The following NFAM1 variants were observed in gnomAD, a reference collection of about 807,000 sequenced individuals.
The protein encoded by NFAM1 is NFAT activating protein with ITAM motif 1, also known as NFAT activation molecule 1.
In NFAM1, 17 loss-of-function variants were observed where a neutral mutation model predicts 29.0. The ratio of observed to expected loss-of-function variants is 0.59; its 90% CI spans 0.40 to 0.88. NFAM1 has a LOEUF of 0.88. Ranked by LOEUF, NFAM1 falls within the 40% of genes least tolerant of loss-of-function variation. The pLI, the probability that NFAM1 is intolerant of heterozygous loss-of-function variation, is 0.00. For missense variants in NFAM1, 324 were observed against 344.6 expected (o/e 0.94, Z 0.47); for synonymous variants, 175 against 147.2 (o/e 1.19, Z -1.36).
intron 4 of NFAM1, among the ~76,000 whole-genome samples, chr22:42,387,835 T>G (rs1020886455): frequency 2.0e-5 from 3 of 152,078 alleles, no homozygotes; most frequent in African/African-American, 7.2e-5. Flanking sequence ...GGTCCCCCCA[T>G]AGCCCAAGCC....
intron 1 of NFAM1, among the ~76,000 whole-genome samples, chr22:42,415,294 CTTTTTTTTTT>C (rs398037250): frequency 2.1e-5 from 2 of 94,832 alleles, no homozygotes; most frequent in African/African-American, 4.5e-5. Flanking sequence ...TTCTTTCTTT[CTTTTTTTTTT>C]TTTTTTTTTT....
At chr22:42,412,908 C>T (rs1266232793) in intron 1 of NFAM1, among the ~76,000 whole-genome samples, 1 of 152,178 alleles carries the variant, frequency 6.6e-6, no homozygotes, top group African/African-American at 2.4e-5. Context: ...AGGAGCCACC[C>T]CTCCCCCCAC....
chr22:42,417,316 G>T (rs1042266850), intron 1 of NFAM1, among the ~76,000 whole-genome samples: 1 of 152,150 alleles, frequency 6.6e-6, no homozygotes, highest in East Asian at 1.9e-4. Flanking sequence ...CAGAGGAGCT[G>T]AGTTTTGCCA....
chr22:42,397,221 C>T (rs1929560516), intron 4 of NFAM1, among the ~76,000 whole-genome samples: 1 of 152,212 alleles, frequency 6.6e-6, no homozygotes, highest in African/African-American at 2.4e-5. Flanking sequence ...CTGGGGCAGC[C>T]TGGCCTCCTC....
chr22:42,411,292 G>A (rs963736152), intron 2 of NFAM1, 115 bp downstream of exon 2: 1 of 787,312 alleles, frequency 1.3e-6, no homozygotes, highest in Non-Finnish European at 2.1e-6. Flanking sequence ...CCAAAGTGCT[G>A]GGATGTGTGA....
chr22:42,430,005 G>A (rs561408033), intron 1 of NFAM1, among the ~76,000 whole-genome samples: 25 of 152,330 alleles, frequency 1.6e-4, no homozygotes, highest in African/African-American at 5.5e-4. Flanking sequence ...GCTCACGCCT[G>A]TAATCCCAGC....
chr22:42,434,170 C>T (rs1330608423), upstream of NFAM1, among the ~76,000 whole-genome samples: 1 of 152,208 alleles, frequency 6.6e-6, no homozygotes, highest in African/African-American at 2.4e-5. Flanking sequence ...GCCTGCTGCA[C>T]ACCTGGTTTC....
chr22:42,397,624 T>TG (rs1428461262), intron 4 of NFAM1, among the ~76,000 whole-genome samples: 3 of 152,130 alleles, frequency 2.0e-5, no homozygotes, highest in Admixed American at 6.5e-5. Context: ...GAACAGGGCA[T>TG]GGGGGGCACC....
At position 42,409,525 on chromosome 22, in the gene NFAM1, C is replaced by T. The variant is rs143813591; in HGVS notation, c.474G>A (p.Pro158=). The T allele has an allele frequency of 5.7e-3, 8,708 of 1,537,692 alleles. 39 individuals are homozygous for T. The highest frequency in any genetic ancestry group is 0.019 in the Middle Eastern group (110 of 5,764). The change falls in exon 3 of 6, where the codon CCG becomes CCA. Residue 158 remains proline (P), a synonymous_variant. Coordinates refer to ENST00000329021, the MANE Select transcript of NFAM1 (RefSeq NM_145912.8). This position sits in a 1 kb window ranked among gnomAD's most constrained non-coding sequence, Gnocchi z 4.9. ...AGAGCAGGAGCTTCTGTGGACTCTG[C>T]GGGGGCTCTCGGTACCCTGCGTCTA... is the stretch of plus-strand genomic sequence containing the variant. ...LVRDAGYREP[P]QSPQKLLLFG...
chr22:42,437,950 C>T, the NFAM1 span: 1 of 152,222 alleles, frequency 6.6e-6, no homozygotes, highest in African/African-American at 2.4e-5. Flanking sequence ...CCTTTCCCCT[C>T]GTGCTGTTTC....
At position 42,419,585 on chromosome 22, in the gene NFAM1, C is replaced by A. The variant is rs1930366608; in HGVS notation, c.122-7849G>T. ...GCTTGGAGGATCCAGTTCTTGCCTCCCAGGACCTGCACAGCCCCGCTCAGC... is the reference window on the plus strand; with the variant it reads ...GCTTGGAGGATCCAGTTCTTGCCTCACAGGACCTGCACAGCCCCGCTCAGC... On this transcript the variant is annotated intron_variant, in intron 1 of 5. Coordinates refer to ENST00000329021, the MANE Select transcript of NFAM1 (RefSeq NM_145912.8). The surrounding 1 kb of genome is among the most constrained non-coding windows in gnomAD (Gnocchi z 4.5). Among the ~76,000 whole-genome samples the A allele has an allele frequency of 2.0e-5, 3 of 152,196 alleles. No homozygotes were observed. Among genetic ancestry groups the A allele is most frequent in the Non-Finnish European group, 2.9e-5 (2 of 68,024 alleles).
Position 42,402,827 on chromosome 22 carries a change from C to CCTT in NFAM1, c.565-4874_565-4872dup, listed in dbSNP as rs1247696728. ...TCAGACCCACACCGGTCCCTCTGTG[C>CCTT]CTTCTTTTTTTTTTTTTTTTTTTTT... is the stretch of plus-strand genomic sequence containing the variant. On this transcript the variant is annotated intron_variant, in intron 3 of 5. Transcript: ENST00000329021. Among the ~76,000 whole-genome samples, 102 of 136,554 alleles carry CCTT rather than the reference C, an allele frequency of 7.5e-4. 1 individual carries two copies. Among genetic ancestry groups the CCTT allele is most frequent in the African/African-American group, 3.0e-3 (96 of 32,518 alleles). The allele number at this position is 136,554 out of a possible 152,430, so 89.6% of individuals were successfully genotyped here.
chr22:42,404,141 TC>T (rs551994523), intron 3 of NFAM1, among the ~76,000 whole-genome samples: 226 of 152,164 alleles, frequency 1.5e-3, no homozygotes, highest in African/African-American at 4.8e-3. Context: ...GGGTGTGAGC[TC>T]CGTGCCCTCC....
At chr22:42,420,298 C>T (rs549734340) in intron 1 of NFAM1, among the ~76,000 whole-genome samples, 2 of 151,716 alleles carry the variant, frequency 1.3e-5, no homozygotes, top group African/African-American at 4.8e-5. Context: ...ATAGTGAGAC[C>T]CCATCTCTAC....
At chr22:42,410,658 C>CA (rs35345430) in intron 2 of NFAM1, among the ~76,000 whole-genome samples, 2,138 of 118,946 alleles carry the variant, frequency 0.018, 45 homozygotes, top group African/African-American at 0.051. Flanking sequence ...GACTCTGTCT[C>CA]AAAAAAAAAA....
At chr22:42,411,889 G>A (rs1930108575) in intron 1 of NFAM1, among the ~76,000 whole-genome samples, 153 bp from the exon 2 acceptor site, 1 of 152,204 alleles carries the variant, frequency 6.6e-6, no homozygotes, top group African/African-American at 2.4e-5. Flanking sequence ...CTGGAGGTCA[G>A]GAGTTCAAGA....
At chr22:42,404,758 G>A (rs1929836579) in intron 3 of NFAM1, among the ~76,000 whole-genome samples, 1 of 151,798 alleles carries the variant, frequency 6.6e-6, no homozygotes, top group Non-Finnish European at 1.5e-5. Context: ...GGGAGGCTGA[G>A]GCAGGAGAAT....
rs1221132409 is a variant in NFAM1 at position 42,382,479 on chromosome 22, G to GGTCTCA, written c.*2676_*2681dup. On this transcript the variant is annotated 3_prime_UTR_variant, in exon 6 of 6. Coordinates refer to ENST00000329021, the MANE Select transcript of NFAM1 (RefSeq NM_145912.8). ...GCCCTGAGGCCACCCAGCCTGGGTGGGTCTCAAAAGCAATTTTCTTCTCTT... is the reference window on the plus strand; with the variant it reads ...GCCCTGAGGCCACCCAGCCTGGGTGGGTCTCAGTCTCAAAAGCAATTTTCTTCTCTT... 1 of 151,936 alleles carries GGTCTCA rather than the reference G, an allele frequency of 6.6e-6. No individual in the cohort carries two copies. The highest frequency in any genetic ancestry group is 1.5e-5 in the Non-Finnish European group (1 of 68,002). 9.4% of individuals were successfully genotyped at this position (151,936 alleles called of 1,614,324 possible). A position where few individuals can be genotyped will look rare whatever the true frequency, so the allele number is the denominator to read the frequency against.
chr22:42,428,040 C>T (rs1358249471), intron 1 of NFAM1, among the ~76,000 whole-genome samples: 3 of 152,224 alleles, frequency 2.0e-5, no homozygotes, highest in African/African-American at 4.8e-5. Context: ...GATAGTTCAC[C>T]ATGACAGAGG....
Sources: gnomAD v4.1 joint callset for allele counts (sites outside exome capture counted in the v4.1 genomes callset) on GRCh38, gnomAD v4.1.1 for gene constraint, Gnocchi (gnomAD v3.1) non-coding constraint, MANE v1.5 for transcripts, NCBI Gene and HGNC (gene_info 2026-07-23, HGNC 2026-07-21) for gene names.